Variants in MRPL44 observed in about 807,000 individuals in gnomAD.
The protein encoded by MRPL44 is large ribosomal subunit protein mL44.
A neutral mutation model predicts 25.9 loss-of-function variants in MRPL44; 21 were observed. The ratio of observed to expected loss-of-function variants is 0.81; its 90% confidence interval spans 0.58 to 1.17. The LOEUF (loss-of-function observed/expected upper bound fraction) is 1.17. Among genes scored for constraint, MRPL44 ranks in the 50% most tolerant of loss-of-function variants. The probability of loss-of-function intolerance (pLI) is 0.00; values close to 1 mark genes in which losing one functional copy is unlikely to be tolerated. For missense variants in MRPL44, 410 were observed against 398.9 expected, an observed-to-expected ratio of 1.03 and a Z score of -0.24; for synonymous variants, 169 against 151.0, an observed-to-expected ratio of 1.12 and a Z score of -0.87.
intron 2 of MRPL44, among the ~76,000 whole-genome samples, chr2:223,961,139 C>T (rs1689654055): frequency 6.6e-6 from 1 of 152,214 alleles, no homozygotes; most frequent in Admixed American, 6.5e-5. Context: ...ATGCTACTCA[C>T]AGCTCATTAT....
At chr2:223,951,487 T>TG in the MRPL44 span, among the ~76,000 whole-genome samples, 27 of 139,544 alleles carry the variant, frequency 1.9e-4, no homozygotes, top group Admixed American at 5.9e-4. Flanking sequence ...AGTTTTTTTT[T>TG]TTTTTTTTTT....
intron 3 of MRPL44, 31 bp downstream of exon 3, chr2:223,963,965 C>T: frequency 6.3e-7 from 1 of 1,578,696 alleles, no homozygotes; most frequent in Non-Finnish European, 8.6e-7. Flanking sequence ...AACTTTATAA[C>T]TTTGAGGAAA....
chr2:223,951,478 G>GTTTTTTTTTTTTTTTTTTTTTT, the MRPL44 span, among the ~76,000 whole-genome samples: 1 of 112,558 alleles, frequency 8.9e-6, no homozygotes, highest in African/African-American at 3.4e-5. Flanking sequence ...TTACCTTGGA[G>GTTTTTTTTTTTTTTTTTTTTTT]TTTTTTTTTT....
chr2:223,962,246 T>C (rs1395455467), intron 2 of MRPL44, among the ~76,000 whole-genome samples: 1 of 152,176 alleles, frequency 6.6e-6, no homozygotes, highest in African/African-American at 2.4e-5. Flanking sequence ...CAAGCTGGTC[T>C]TGAACTCCTG....
chr2:223,956,426 G>C (rs1689563957), upstream of MRPL44, among the ~76,000 whole-genome samples: 1 of 152,198 alleles, frequency 6.6e-6, no homozygotes, highest in Admixed American at 6.5e-5. Context: ...TTTGTGGTCT[G>C]TGTTTCAGAG....
At chr2:223,957,449 T>C (rs1426186696), upstream of MRPL44, 13 of 1,613,920 alleles carry the variant, frequency 8.1e-6, no homozygotes, top group Non-Finnish European at 1.1e-5. Context: ...TTTCGTTCCG[T>C]CTTCCATCGT....
chr2:223,966,501 AAT>A (rs1283651290), intron 3 of MRPL44, among the ~76,000 whole-genome samples: 3 of 152,190 alleles, frequency 2.0e-5, no homozygotes, highest in South Asian at 4.1e-4. Context: ...TAAAAATAAA[AAT>A]AGTCATAATT....
upstream of MRPL44, among the ~76,000 whole-genome samples, chr2:223,954,375 A>G (rs1321418249): frequency 1.3e-5 from 2 of 152,214 alleles, no homozygotes; most frequent in Non-Finnish European, 2.9e-5. Context: ...GTAACAAATT[A>G]CTCCAGAACT....
the MRPL44 span, among the ~76,000 whole-genome samples, chr2:223,951,386 AAGTG>A: frequency 6.6e-6 from 1 of 152,094 alleles, no homozygotes; most frequent in Non-Finnish European, 1.5e-5. Flanking sequence ...TGCATTTCTA[AAGTG>A]AGAATAATAA....
upstream of MRPL44, among the ~76,000 whole-genome samples, chr2:223,954,407 G>A (rs940797953): frequency 9.9e-5 from 15 of 152,170 alleles, no homozygotes; most frequent in Admixed American, 5.9e-4. Context: ...AGCAACAAAC[G>A]TTTATTTTCT....
At chr2:223,957,991 G>T (rs1176655057) in intron 1 of MRPL44, among the ~76,000 whole-genome samples, 3 of 152,142 alleles carry the variant, frequency 2.0e-5, no homozygotes, top group Non-Finnish European at 4.4e-5. Flanking sequence ...TAAGCGGGAA[G>T]AAAGCAGCCC....
chr2:223,960,457 G>A (rs1027679423), intron 2 of MRPL44, among the ~76,000 whole-genome samples: 1 of 152,194 alleles, frequency 6.6e-6, no homozygotes, highest in Non-Finnish European at 1.5e-5. Context: ...AGATTCTTAT[G>A]TAATTGGTAC....
intron 3 of MRPL44, among the ~76,000 whole-genome samples, 184 bp from the exon 4 acceptor site, chr2:223,966,679 C>G (rs907909446): frequency 6.6e-6 from 1 of 152,152 alleles, no homozygotes; most frequent in Admixed American, 6.5e-5. Flanking sequence ...TGTCTAATTA[C>G]CATATGTAAT....
chr2:223,951,477 A>AGTTTTTTTTTTTGTTTT, the MRPL44 span, among the ~76,000 whole-genome samples: 2 of 62,606 alleles, frequency 3.2e-5, no homozygotes, highest in African/African-American at 5.6e-5. Context: ...CTTACCTTGG[A>AGTTTTTTTTTTTGTTTT]GTTTTTTTTT....
At position 223,959,753 on chromosome 2, in the gene MRPL44, A is replaced by G. The variant is rs1158053988; in HGVS notation, c.399A>G (p.Ser133=). The change falls in exon 2 of 4, where the codon TCA becomes TCG. Residue 133 remains serine (S), a synonymous_variant. Transcript: ENST00000258383. ...QELSEQGTSF[S]QTCLTQFLED... ...TATCCGAACAAGGGACATCTTTTTC[A>G]CAGACTTGCCTTACACAGTTTCTTG... The G allele has an allele frequency of 6.2e-7, 1 of 1,614,254 alleles. No individual in the cohort carries two copies.
chr2:223,965,386 T>C (rs1018241445), intron 3 of MRPL44, among the ~76,000 whole-genome samples: 8 of 152,358 alleles, frequency 5.3e-5, no homozygotes, highest in Middle Eastern at 3.4e-3. Flanking sequence ...TTCTTTAATT[T>C]GGTTTCGGTC....
intron 3 of MRPL44, among the ~76,000 whole-genome samples, chr2:223,965,278 A>G (rs1689723861): frequency 6.6e-6 from 1 of 152,214 alleles, no homozygotes; most frequent in African/African-American, 2.4e-5. Context: ...TTAACTTAAT[A>G]GAACCTTTGT....
intron 3 of MRPL44, among the ~76,000 whole-genome samples, chr2:223,966,506 T>G (rs1689743680): frequency 6.6e-6 from 1 of 152,194 alleles, no homozygotes; most frequent in Admixed American, 6.5e-5. Flanking sequence ...ATAAAAATAG[T>G]CATAATTCCT....
In MRPL44 at chr2:223,959,973, G is replaced by C. The variant is rs1324846761; in HGVS notation, c.619G>C (p.Gly207Arg). 1 of 1,613,326 alleles carries C rather than the reference G, an allele frequency of 6.2e-7. No homozygotes were observed. Among genetic ancestry groups the C allele is most frequent in the Non-Finnish European group, 8.5e-7 (1 of 1,179,710 alleles). Residue 207 changes from glycine (G) to arginine (R), a missense_variant, in exon 2 of 4, where the codon GGA becomes CGA. Transcript: ENST00000258383. The stretch of plus-strand genomic sequence containing the variant: ...TATTGGAGCCCTGTTACAGAGCAGT[G>C]GACCTGAGAGGACTGCACTTTTCAT... Reference protein sequence around the residue: ...AVIGALLQSSGPERTALFIRD... With the variant: ...AVIGALLQSSRPERTALFIRD...
Sources: gnomAD v4.1 joint callset for allele counts (sites outside exome capture counted in the v4.1 genomes callset) on GRCh38, gnomAD v4.1.1 for gene constraint, MANE v1.5 for transcripts, NCBI Gene and HGNC (gene_info 2026-07-23, HGNC 2026-07-21) for gene names.